Variants in CERS2 observed in about 807,000 individuals in gnomAD.
CERS2 encodes the protein LAG1 homolog, ceramide synthase 2.
A neutral mutation model predicts 56.6 loss-of-function variants in CERS2; 20 were observed. The observed-to-expected ratio is 0.35, with a 90% CI of 0.25 to 0.51. The LOEUF is 0.51. Among genes scored for constraint, CERS2 ranks in the 20% least tolerant of loss-of-function variants. The pLI is 0.96. For synonymous variants in CERS2, 187 were observed against 175.4 expected, an observed-to-expected ratio of 1.07 and a Z score of -0.52; for missense variants, 361 against 488.6, an observed-to-expected ratio of 0.74 and a Z score of 2.46.
intron 3 of CERS2, 70 bp from the exon 4 acceptor site, chr1:150,968,271 G>A: frequency 2.0e-6 from 3 of 1,519,698 alleles, no homozygotes; most frequent in Non-Finnish European, 2.7e-6. Context: ...GCCTCTCCCA[G>A]TAACAACCTC....
rs898092056 is a variant in CERS2 at position 150,974,726 on chromosome 1, T to TCCGC, written c.-113_-110dup. 2.1e-5 allele frequency: 3 copies of TCCGC among 144,852 alleles called. No individual in the cohort carries two copies. The highest frequency in any genetic ancestry group is 6.9e-5 in the Admixed American group (1 of 14,494). 9.0% of individuals were successfully genotyped at this position (144,852 alleles called of 1,614,324 possible). On this transcript the variant is annotated 5_prime_UTR_variant, in exon 1 of 11. Coordinates refer to ENST00000368954, the MANE Select transcript of CERS2 (RefSeq NM_022075.5). ...GGCTCCCCGCGCCTCTCCTCCCTCT[T>TCCGC]CCGCCCGCCCGCCGGCCCGCGCCCG... is the stretch of plus-strand genomic sequence containing the variant.
Position 150,966,076 on chromosome 1 carries a change from A to G in CERS2, c.*72T>C. 4 of 1,419,302 alleles carry G rather than the reference A, an allele frequency of 2.8e-6. No homozygotes were observed. Among genetic ancestry groups the G allele is most frequent in the Non-Finnish European group, 3.8e-6 (4 of 1,044,884 alleles). 87.9% of individuals were successfully genotyped at this position (1,419,302 alleles called of 1,614,324 possible). A position where few individuals can be genotyped will look rare whatever the true frequency, so the allele number is the denominator to read the frequency against. ...TCCTTTTTCCCCAGAGCTTAAAGTG[A>G]CCCTATAGCGCAGGGAGCGGGGTAG... On this transcript the variant is annotated 3_prime_UTR_variant, in exon 11 of 11. Transcript: ENST00000368954.
chr1:150,970,907 T>C (rs1321489105), intron 1 of CERS2, among the ~76,000 whole-genome samples: 1 of 152,120 alleles, frequency 6.6e-6, no homozygotes, highest in Non-Finnish European at 1.5e-5. Flanking sequence ...AAAGAGCCGC[T>C]ATGTAAACCT....
At chr1:150,974,172 G>C (rs1312881933) in intron 1 of CERS2, 2 of 152,532 alleles carry the variant, frequency 1.3e-5, no homozygotes, top group African/African-American at 4.8e-5. Context: ...CACAGGACGC[G>C]TCCAGGCCAG....
At chr1:150,973,639 G>A (rs1025235111) in intron 1 of CERS2, among the ~76,000 whole-genome samples, 2 of 152,176 alleles carry the variant, frequency 1.3e-5, no homozygotes, top group Admixed American at 1.3e-4. Context: ...TCACACCCCG[G>A]TGCGGTCATC....
intron 4 of CERS2, 52 bp downstream of exon 4, chr1:150,968,031 A>G: frequency 3.9e-6 from 6 of 1,541,190 alleles, no homozygotes; most frequent in Non-Finnish European, 5.4e-6. Context: ...CCTCCCAGCA[A>G]GACACATCAG....
chr1:150,970,158 G>A (rs1307249520), intron 1 of CERS2, among the ~76,000 whole-genome samples: 1 of 148,748 alleles, frequency 6.7e-6, no homozygotes, highest in Non-Finnish European at 1.5e-5. Flanking sequence ...AGCCTGGGAG[G>A]TGAAGGTTGC....
chr1:150,968,080 C>T lies in CERS2; in HGVS notation c.410+3G>A, dbSNP rs201145642. 2.2e-5 allele frequency: 36 copies of T among 1,609,276 alleles called. No homozygotes were observed. Among genetic ancestry groups the T allele is most frequent in the Admixed American group, 1.3e-4 (8 of 59,994 alleles). On this transcript the variant is annotated splice_donor_region_variant and intron_variant, in intron 4 of 10. Transcript: ENST00000368954. ...ACCCAGCTTCTGCCCCAGCCTCCCCCACCTGGCTTCTCGGAACTTCTTGAG... is the reference window on the plus strand; with the variant it reads ...ACCCAGCTTCTGCCCCAGCCTCCCCTACCTGGCTTCTCGGAACTTCTTGAG...
At position 150,965,873 on chromosome 1, in the gene CERS2, G is replaced by A. The variant is rs1022163998; in HGVS notation, c.*275C>T. 1.4e-5 allele frequency: 5 copies of A among 366,752 alleles called. No individual in the cohort carries two copies. The highest frequency in any genetic ancestry group is 4.3e-5 in the African/African-American group (2 of 46,876). The allele number at this position is 366,752 out of a possible 1,614,324, so 22.7% of individuals were successfully genotyped here. On this transcript the variant is annotated 3_prime_UTR_variant, in exon 11 of 11. Transcript: ENST00000368954. ...CCCTACCCACAGAGAGCTGAGGGAG[G>A]GCCTCAAAAGCAGTAGAAAGGATGA...
chr1:150,968,917 C>G lies in CERS2; in HGVS notation c.173+1G>C. On this transcript the variant is annotated splice_donor_variant, in intron 2 of 10. Transcript: ENST00000368954. LOFTEE classifies it high-confidence loss of function. ...GCATGAGGGTAGGCTGGCATGCTTA[C>G]AGCTCAAAGAAGTATCGAACGATGA... 1.9e-6 allele frequency: 3 copies of G among 1,612,538 alleles called. No homozygotes were observed. The highest frequency in any genetic ancestry group is 2.5e-6 in the Non-Finnish European group (3 of 1,179,564).
At chr1:150,966,335 C>G (rs200766311) in intron 10 of CERS2, 47 bp from the exon 11 acceptor site, 9 of 1,605,050 alleles carry the variant, frequency 5.6e-6, no homozygotes, top group Non-Finnish European at 6.8e-6. Flanking sequence ...TCCTCAAACC[C>G]CTAAGTACTG....
Position 150,966,067 on chromosome 1 carries a change from C to T in CERS2, c.*81G>A, listed in dbSNP as rs1671001025. ...CTCACTTTCTCCTTTTTCCCCAGAG[C>T]TTAAAGTGACCCTATAGCGCAGGGA... On this transcript the variant is annotated 3_prime_UTR_variant, in exon 11 of 11. Transcript: ENST00000368954. 2.2e-6 allele frequency: 3 copies of T among 1,384,256 alleles called. No individual in the cohort carries two copies. The highest frequency in any genetic ancestry group is 2.4e-5 in the East Asian group (1 of 41,158). 85.7% of individuals were successfully genotyped at this position (1,384,256 alleles called of 1,614,324 possible).
chr1:150,967,008 C>T, intron 8 of CERS2, 66 bp downstream of exon 8: 1 of 1,594,110 alleles, frequency 6.3e-7, no homozygotes, highest in South Asian at 1.1e-5. Flanking sequence ...CCGCACCTCC[C>T]TCCCAAAGAA....
In CERS2 at chr1:150,968,135, G is replaced by A. The variant is rs1571673661; in HGVS notation, c.358C>T (p.Arg120Cys). ...SGRQVERWFR[R>C]RRNQDRPSLL... is the part of the protein sequence containing the mutation. ...CTGGGCCGGTCCTGGTTGCGGCGGC[G>A]ACGGAACCAACGCTCTACCTGGCGG... The change falls in exon 4 of 11, where the codon CGC becomes TGC. Residue 120 changes from arginine (R) to cysteine (C), a missense_variant. Arg to Cys is a radical substitution (Grantham distance 180, BLOSUM62 -3). Coordinates refer to ENST00000368954, the MANE Select transcript of CERS2 (RefSeq NM_022075.5). The A allele has an allele frequency of 1.9e-6, 3 of 1,609,636 alleles. No homozygotes were observed. The highest frequency in any genetic ancestry group is 1.1e-5 in the South Asian group (1 of 91,092).
At chr1:150,966,977 G>A in intron 8 of CERS2, 97 bp downstream of exon 8, 1 of 1,505,120 alleles carries the variant, frequency 6.6e-7, no homozygotes, top group Non-Finnish European at 9.2e-7. Flanking sequence ...TCCCAGGAAT[G>A]TCATCCTCCA....
intron 1 of CERS2, chr1:150,971,713 GA>G (rs1363464346): frequency 2.9e-6 from 1 of 345,648 alleles, no homozygotes; most frequent in Non-Finnish European, 5.9e-6. Flanking sequence ...GTAGAAAATT[GA>G]ATAAAGAAGG....
chr1:150,969,975 C>T (rs587754277), intron 1 of CERS2, among the ~76,000 whole-genome samples: 1 of 152,294 alleles, frequency 6.6e-6, no homozygotes, highest in African/African-American at 2.4e-5. Flanking sequence ...CGCCTGAAAT[C>T]CCAGCACTTT....
intron 7 of CERS2, 53 bp downstream of exon 7, chr1:150,967,339 T>C: frequency 3.5e-6 from 5 of 1,430,166 alleles, no homozygotes; most frequent in Non-Finnish European, 4.9e-6. Context: ...AGGGTGTTCA[T>C]CCCAGGGCCT....
At chr1:150,969,195 G>A in intron 1 of CERS2, 104 bp from the exon 2 acceptor site, 1 of 952,838 alleles carries the variant, frequency 1.0e-6, no homozygotes, top group Non-Finnish European at 1.6e-6. Flanking sequence ...AGGGGGCAGA[G>A]AGTCGAACTC....
Sources: allele counts gnomAD v4.1 joint callset (sites outside exome capture counted in the v4.1 genomes callset), GRCh38; gene constraint gnomAD v4.1.1; transcripts MANE v1.5; gene names NCBI Gene and HGNC (gene_info 2026-07-23, HGNC 2026-07-21).